The following SCHIP1 variants were observed in gnomAD, a reference collection of about 807,000 sequenced individuals.
SCHIP1 encodes the protein schwannomin-interacting protein 1.
In SCHIP1, 8 loss-of-function variants were observed where a neutral mutation model predicts 29.7. That is an observed-to-expected ratio of 0.27 (90% CI 0.16 to 0.49). The LOEUF is 0.49. Among genes scored for constraint, SCHIP1 ranks in the 20% least tolerant of loss-of-function variants. The pLI is 0.99. For synonymous variants in SCHIP1, 76 were observed against 94.9 expected (o/e 0.80, Z 1.16); for missense variants, 193 against 294.6 (o/e 0.66, Z 2.52).
chr3:159,563,261 A>C, the SCHIP1 span, among the ~76,000 whole-genome samples: 1 of 152,158 alleles, frequency 6.6e-6, no homozygotes, highest in Non-Finnish European at 1.5e-5. Flanking sequence ...ATTAATCCTC[A>C]ATTATGTCTC....
chr3:159,713,205 A>AG, the SCHIP1 span, among the ~76,000 whole-genome samples: 16 of 142,238 alleles, frequency 1.1e-4, no homozygotes, highest in African/African-American at 4.2e-4. Context: ...AGAAAGAAAG[A>AG]AAGAGAGAGA....
At chr3:159,368,868 A>G in the SCHIP1 span, among the ~76,000 whole-genome samples, 6 of 152,206 alleles carry the variant, frequency 3.9e-5, no homozygotes, top group African/African-American at 1.4e-4. Context: ...ACTGATTATA[A>G]TAATAGGTAA....
the SCHIP1 span, among the ~76,000 whole-genome samples, chr3:159,457,401 T>C: frequency 2.6e-5 from 4 of 151,974 alleles, no homozygotes; most frequent in African/African-American, 9.7e-5. Flanking sequence ...TTTCTGTTTT[T>C]TTTTTTTATG....
chr3:159,364,304 T>C, the SCHIP1 span, among the ~76,000 whole-genome samples: 1 of 152,192 alleles, frequency 6.6e-6, no homozygotes, highest in Non-Finnish European at 1.5e-5. Context: ...AGACATTCAA[T>C]AAAAATACTT....
chr3:159,778,404 G>A, the SCHIP1 span, among the ~76,000 whole-genome samples: 1 of 152,102 alleles, frequency 6.6e-6, no homozygotes, highest in East Asian at 1.9e-4. Context: ...TCCTTCAGCA[G>A]CTTCCCCTTA....
chr3:159,708,702 G>A, the SCHIP1 span, among the ~76,000 whole-genome samples: 1 of 152,142 alleles, frequency 6.6e-6, no homozygotes, highest in African/African-American at 2.4e-5. Context: ...AATGTGAGAT[G>A]GTGACGTACG....
chr3:159,764,513 C>T, the SCHIP1 span: 1 of 1,586,666 alleles, frequency 6.3e-7, no homozygotes, highest in Non-Finnish European at 8.6e-7. The surrounding 1 kb of genome is among the most constrained non-coding windows in gnomAD (Gnocchi z 6.1). Context: ...CGCGCCAGTT[C>T]ACAGTCCAAC....
chr3:159,823,663 C>G, the SCHIP1 span, among the ~76,000 whole-genome samples: 32 of 152,254 alleles, frequency 2.1e-4, no homozygotes, highest in African/African-American at 7.7e-4. Flanking sequence ...TCGAAGATGC[C>G]TTTTCCTTCC....
At chr3:159,285,558 T>C in the SCHIP1 span, among the ~76,000 whole-genome samples, 1 of 152,112 alleles carries the variant, frequency 6.6e-6, no homozygotes, top group Non-Finnish European at 1.5e-5. Flanking sequence ...TTTTGCCTTG[T>C]TTTTGTTTTG....
At chr3:159,805,970 C>T in the SCHIP1 span, among the ~76,000 whole-genome samples, 1 of 152,090 alleles carries the variant, frequency 6.6e-6, no homozygotes, top group Non-Finnish European at 1.5e-5. Flanking sequence ...CACCCACACC[C>T]AGCTAATTTT....
the SCHIP1 span, among the ~76,000 whole-genome samples, chr3:159,420,924 G>A: frequency 2.6e-5 from 4 of 152,298 alleles, no homozygotes; most frequent in Admixed American, 2.0e-4. Flanking sequence ...GCAATTATTT[G>A]TTTATGGATT....
At chr3:159,512,889 C>T in the SCHIP1 span, among the ~76,000 whole-genome samples, 1 of 152,216 alleles carries the variant, frequency 6.6e-6, no homozygotes, top group South Asian at 2.1e-4. Context: ...TCCTTCTACT[C>T]TCTATGAGTT....
the SCHIP1 span, among the ~76,000 whole-genome samples, chr3:159,345,631 C>T: frequency 2.6e-5 from 4 of 151,872 alleles, 1 homozygote; most frequent in Non-Finnish European, 1.5e-5. Context: ...TACCACCGAT[C>T]CTCACTGTGG....
chr3:159,636,413 ACT>A, the SCHIP1 span, among the ~76,000 whole-genome samples: 7 of 152,224 alleles, frequency 4.6e-5, no homozygotes, highest in African/African-American at 1.4e-4. Context: ...CACACTGGTA[ACT>A]CTGTTTTCTC....
the SCHIP1 span, among the ~76,000 whole-genome samples, chr3:159,385,420 G>T: frequency 6.6e-6 from 1 of 152,018 alleles, no homozygotes. Flanking sequence ...TAGCAGGTAT[G>T]GTGGCGTATG....
At chr3:159,448,791 A>G in the SCHIP1 span, among the ~76,000 whole-genome samples, 1 of 152,188 alleles carries the variant, frequency 6.6e-6, no homozygotes, top group Non-Finnish European at 1.5e-5. Context: ...TAACACACTC[A>G]TGAACTCATG....
the SCHIP1 span, among the ~76,000 whole-genome samples, chr3:159,391,127 A>G: frequency 6.6e-6 from 1 of 152,118 alleles, no homozygotes; most frequent in South Asian, 2.1e-4. Flanking sequence ...TAGTTTAAGG[A>G]GTTTGTTTTA....
At chr3:159,741,697 C>T in the SCHIP1 span, among the ~76,000 whole-genome samples, 3 of 152,194 alleles carry the variant, frequency 2.0e-5, no homozygotes, top group Non-Finnish European at 4.4e-5. Context: ...CTGGCCTGTC[C>T]AGCCAAGTTA....
At chr3:159,375,462 T>G in the SCHIP1 span, among the ~76,000 whole-genome samples, 3 of 152,206 alleles carry the variant, frequency 2.0e-5, no homozygotes, top group African/African-American at 7.2e-5. Context: ...ATATAATGGC[T>G]GGGCGTGCTC....
Sources: gnomAD v4.1 joint callset for allele counts (sites outside exome capture counted in the v4.1 genomes callset) on GRCh38, gnomAD v4.1.1 for gene constraint, Gnocchi (gnomAD v3.1) non-coding constraint, MANE v1.5 for transcripts, NCBI Gene and HGNC (gene_info 2026-07-23, HGNC 2026-07-21) for gene names.